Variants in LATS2 observed in about 807,000 individuals in gnomAD.
The protein encoded by LATS2 is serine/threonine-protein kinase LATS2.
LATS2 carries 24 observed loss-of-function variants against 76.0 expected under a neutral mutation model. That is an observed-to-expected ratio of 0.32 (90% CI 0.23 to 0.44). The LOEUF (loss-of-function observed/expected upper bound fraction) is 0.44. Ranked by LOEUF, LATS2 falls within the 20% of genes least tolerant of loss-of-function variation. The pLI is 1.00. For synonymous variants in LATS2, 692 were observed against 635.4 expected, an observed-to-expected ratio of 1.09 and a Z score of -1.34; for missense variants, 1,286 against 1,481.2, an observed-to-expected ratio of 0.87 and a Z score of 2.16.
At chr13:21,052,355 TTTTA>T (rs1873299513) in intron 1 of LATS2, among the ~76,000 whole-genome samples, 1 of 152,156 alleles carries the variant, frequency 6.6e-6, no homozygotes, top group South Asian at 2.1e-4. Flanking sequence ...CCTCTTTATT[TTTTA>T]TTTATTTATT....
intron 2 of LATS2, among the ~76,000 whole-genome samples, chr13:20,998,911 C>T (rs1185143997): frequency 6.6e-6 from 1 of 151,094 alleles, no homozygotes; most frequent in Non-Finnish European, 1.5e-5. Context: ...ACGTTGTCCA[C>T]GCAGGGTAGG....
chr13:20,981,040 C>T (rs375419483), intron 6 of LATS2, among the ~76,000 whole-genome samples: 5 of 152,210 alleles, frequency 3.3e-5, no homozygotes, highest in Non-Finnish European at 7.3e-5. Flanking sequence ...GATCTTCCAA[C>T]GCTGTCACAT....
Position 21,040,388 on chromosome 13 carries a change from AAAAG to A in LATS2, c.342+5293_342+5296del, listed in dbSNP as rs1200183850. On this transcript the variant is annotated intron_variant, in intron 2 of 7. Transcript: ENST00000382592. ...ACAGACCTTGTCTCAAAAAAAAAAAAAAAGAAAGAAAAAGAAAAAGAAAGAAATG... is the reference window on the plus strand; with the variant it reads ...ACAGACCTTGTCTCAAAAAAAAAAAAAAAGAAAAAGAAAAAGAAAGAAATG... Among the ~76,000 whole-genome samples, 5 of 151,706 alleles carry A rather than the reference AAAAG, an allele frequency of 3.3e-5. 1 individual carries two copies. Among genetic ancestry groups the A allele is most frequent in the African/African-American group, 1.2e-4 (5 of 41,162 alleles).
intron 2 of LATS2, among the ~76,000 whole-genome samples, chr13:21,034,736 C>T (rs1237764281): frequency 6.6e-6 from 1 of 151,974 alleles, no homozygotes; most frequent in Non-Finnish European, 1.5e-5. Flanking sequence ...GCTGCCGAGC[C>T]TACACAGCTA....
chr13:21,024,267 T>C (rs961849257), intron 2 of LATS2, among the ~76,000 whole-genome samples: 11 of 151,642 alleles, frequency 7.3e-5, no homozygotes, highest in African/African-American at 2.7e-4. Flanking sequence ...AACCCATCTC[T>C]ACTAAAAATA....
chr13:20,995,205 G>A (rs77088058), intron 2 of LATS2, among the ~76,000 whole-genome samples: 2,115 of 150,876 alleles, frequency 0.014, 69 homozygotes, highest in African/African-American at 0.049. Flanking sequence ...GTGTTTCTGG[G>A]AAAAAAAAAC....
intron 2 of LATS2, among the ~76,000 whole-genome samples, chr13:21,028,427 T>G (rs1373880663): frequency 1.3e-5 from 2 of 152,222 alleles, no homozygotes; most frequent in Non-Finnish European, 2.9e-5. Flanking sequence ...TGATTTATAG[T>G]CCTTTGGGTA....
rs367835552 is a variant in LATS2, at chr13:21,036,899, A to G, written c.342+8786T>C. Among the ~76,000 whole-genome samples, 272 of 152,346 alleles carry G rather than the reference A, an allele frequency of 1.8e-3. 1 individual carries two copies. The highest frequency in any genetic ancestry group is 5.8e-3 in the African/African-American group (240 of 41,580). ...TAGCAGGGTTGGAAGTATAAATTCA[A>G]TTGAATGATTTTTAAAAACCCACTT... On this transcript the variant is annotated intron_variant, in intron 2 of 7. Transcript: ENST00000382592.
Position 20,988,364 on chromosome 13 carries a change from G to GGCGGGT in LATS2, c.1415_1416insACCCGC (p.Pro479_Ala480dup). The stretch of plus-strand genomic sequence containing the variant: ...CAGCCGGGGCGGGGGCGGGGGCGGG[G>GGCGGGT]GCCGGGGCAGGCGCGGGCACCCAGG... On this transcript the variant is annotated inframe_insertion, in exon 4 of 8. Transcript: ENST00000382592. 7.3e-7 allele frequency: 1 copy of GGCGGGT among 1,369,932 alleles called. No individual in the cohort carries two copies. The highest frequency in any genetic ancestry group is 9.3e-7 in the Non-Finnish European group (1 of 1,071,278). The allele number at this position is 1,369,932 out of a possible 1,614,324, so 84.9% of individuals were successfully genotyped here. A position where few individuals can be genotyped will look rare whatever the true frequency, so the allele number is the denominator to read the frequency against.
chr13:21,033,050 C>T (rs1019241940), intron 2 of LATS2, among the ~76,000 whole-genome samples: 1 of 151,760 alleles, frequency 6.6e-6, no homozygotes, highest in Non-Finnish European at 1.5e-5. Flanking sequence ...GAAAAGTCCA[C>T]CCGGGGAATT....
chr13:21,035,937 C>T (rs754564305), intron 2 of LATS2, among the ~76,000 whole-genome samples: 1 of 152,174 alleles, frequency 6.6e-6, no homozygotes, highest in Non-Finnish European at 1.5e-5. Context: ...CTTGCTCTGT[C>T]GCCCAGGCTG....
intron 3 of LATS2, among the ~76,000 whole-genome samples, chr13:20,989,818 G>GT (rs201109040): frequency 4.5e-4 from 68 of 152,036 alleles, no homozygotes; most frequent in East Asian, 1.5e-3. Flanking sequence ...AGACTTTCTA[G>GT]TTTTTTTTGT....
At chr13:20,992,080 G>A (rs1870532261) in intron 2 of LATS2, among the ~76,000 whole-genome samples, 1 of 152,186 alleles carries the variant, frequency 6.6e-6, no homozygotes, top group Admixed American at 6.5e-5. Context: ...ATGGATGAGG[G>A]CCACAGGAGA....
In LATS2 at chr13:20,977,784, TA is replaced by T. The variant is rs570387918; in HGVS notation, c.2772+1906del. ...TTATGTTATGTATATTTTACCAGAA[TA>T]AAAAAATCTGAATTATCATGTGGGC... is the stretch of plus-strand genomic sequence containing the variant. On this transcript the variant is annotated intron_variant, in intron 7 of 7. Coordinates refer to ENST00000382592, the MANE Select transcript of LATS2 (RefSeq NM_014572.3). Among the ~76,000 whole-genome samples, 14 of 152,246 alleles carry T rather than the reference TA, an allele frequency of 9.2e-5. No homozygotes were observed. The East Asian group carries it at 2.3e-3, about 25-fold the overall frequency.
chr13:21,052,638 T>C (rs1268837274), intron 1 of LATS2, among the ~76,000 whole-genome samples: 1 of 152,156 alleles, frequency 6.6e-6, no homozygotes, highest in Admixed American at 6.5e-5. Flanking sequence ...AGGCGCGGGC[T>C]ACCATGCCCA....
chr13:20,995,424 G>A (rs541398903), intron 2 of LATS2, among the ~76,000 whole-genome samples: 1 of 152,320 alleles, frequency 6.6e-6, no homozygotes, highest in South Asian at 2.1e-4. Context: ...TGGAAAGGGT[G>A]AGCAGCCCTG....
At chr13:21,048,331 TC>T (rs1350792267) in intron 1 of LATS2, among the ~76,000 whole-genome samples, 1 of 152,194 alleles carries the variant, frequency 6.6e-6, no homozygotes, top group Non-Finnish European at 1.5e-5. Context: ...TTCACACAAA[TC>T]ACTTTGTTTC....
At chr13:21,046,695 A>G (rs976261632) in intron 1 of LATS2, among the ~76,000 whole-genome samples, 1 of 152,118 alleles carries the variant, frequency 6.6e-6, no homozygotes, top group African/African-American at 2.4e-5. Context: ...TGGTCCTTCC[A>G]TATCTTTAGA....
intron 2 of LATS2, among the ~76,000 whole-genome samples, chr13:20,995,339 T>G (rs953862945): frequency 6.6e-6 from 1 of 152,330 alleles, no homozygotes; most frequent in South Asian, 2.1e-4. Context: ...CAAGCCTCAA[T>G]AGACACCTCC....
Sources: allele counts gnomAD v4.1 joint callset (sites outside exome capture counted in the v4.1 genomes callset), GRCh38; gene constraint gnomAD v4.1.1; transcripts MANE v1.5; gene names NCBI Gene and HGNC (gene_info 2026-07-23, HGNC 2026-07-21).